ASXL1: variants seen among roughly 807,000 people sequenced by gnomAD.
The protein encoded by ASXL1 is polycomb group protein ASXL1.
In ASXL1, 65 loss-of-function variants were observed where a neutral mutation model predicts 89.1. The observed-to-expected ratio is 0.73, with a 90% CI of 0.60 to 0.90. The LOEUF (loss-of-function observed/expected upper bound fraction) is 0.90, where lower values mean the gene tolerates loss of function less well. ASXL1 is among the 40% of genes least tolerant of loss of function. The pLI, the probability that ASXL1 is intolerant of heterozygous loss-of-function variation, is 0.00. For synonymous variants in ASXL1, 739 were observed against 746.9 expected, an observed-to-expected ratio of 0.99 and a Z score of 0.17; for missense variants, 1,786 against 1,942.9, an observed-to-expected ratio of 0.92 and a Z score of 1.52.
At chr20:32,405,332 C>A (rs574877860) in intron 4 of ASXL1, among the ~76,000 whole-genome samples, 1 of 152,122 alleles carries the variant, frequency 6.6e-6, no homozygotes, top group Non-Finnish European at 1.5e-5. Flanking sequence ...CTTGCCTCAG[C>A]CTCCCAAAGT....
intron 4 of ASXL1, among the ~76,000 whole-genome samples, chr20:32,405,903 C>T (rs897330823): frequency 1.3e-5 from 2 of 151,858 alleles, no homozygotes; most frequent in African/African-American, 2.4e-5. Flanking sequence ...TCCTTTTTAC[C>T]CCCACCCCTT....
intron 4 of ASXL1, among the ~76,000 whole-genome samples, chr20:32,400,673 C>G (rs2048857426): frequency 6.6e-6 from 1 of 152,220 alleles, no homozygotes; most frequent in Non-Finnish European, 1.5e-5. Flanking sequence ...CCTCAGCCCT[C>G]TACTGTGTGG....
rs558805222 is a variant in ASXL1 at position 32,429,619 on chromosome 20, G to T, written c.565+188G>T. On this transcript the variant is annotated intron_variant, in intron 7 of 12. Transcript: ENST00000375687. The surrounding 1 kb of genome is among the most constrained non-coding windows in gnomAD (Gnocchi z 4.9). ...GGCTCTGCTGTGTGCCTTCCTCTTTGTCTCCCAGGGCAGTCGTGAGGATCC... is the reference window on the plus strand; with the variant it reads ...GGCTCTGCTGTGTGCCTTCCTCTTTTTCTCCCAGGGCAGTCGTGAGGATCC... 1.8e-5 allele frequency: 13 copies of T among 738,778 alleles called. No homozygotes were observed. The Admixed American group carries it at 2.4e-4, about 14-fold the overall frequency. 45.8% of individuals were successfully genotyped at this position (738,778 alleles called of 1,614,324 possible).
At position 32,369,001 on chromosome 20, in the gene ASXL1, T is replaced by G; in HGVS notation, c.144-14T>G. Reference sequence around the variant, plus strand: ...GATTGTATAACCCTCATCCATTCTTTTGTGGTTTTACAGTGGGACTTCCCC... The same window carrying G: ...GATTGTATAACCCTCATCCATTCTTGTGTGGTTTTACAGTGGGACTTCCCC... On this transcript the variant is annotated splice_polypyrimidine_tract_variant and intron_variant, in intron 3 of 12. Coordinates refer to ENST00000375687, the MANE Select transcript of ASXL1 (RefSeq NM_015338.6). The G allele has an allele frequency of 6.3e-7, 1 of 1,593,630 alleles. No homozygotes were observed. Among genetic ancestry groups the G allele is most frequent in the Non-Finnish European group, 8.6e-7 (1 of 1,161,332 alleles).
intron 4 of ASXL1, among the ~76,000 whole-genome samples, chr20:32,375,105 T>C (rs2048355133): frequency 6.6e-6 from 1 of 152,136 alleles, no homozygotes; most frequent in Admixed American, 6.5e-5. Context: ...CCTCCCAAAG[T>C]GCTGGGATTA....
In ASXL1 at chr20:32,377,125, A is replaced by AAT. The variant is rs1459730114; in HGVS notation, c.252+8006_252+8007dup. Among the ~76,000 whole-genome samples, 8 of 105,992 alleles carry AAT rather than the reference A, an allele frequency of 7.5e-5. No individual in the cohort carries two copies. The South Asian group carries it at 2.0e-3, about 27-fold the overall frequency. 69.5% of individuals were successfully genotyped at this position (105,992 alleles called of 152,430 possible). The stretch of plus-strand genomic sequence containing the variant: ...TATATAATATATTAATAGATATATT[A>AAT]ATATAATATATATTATATATTATAC... On this transcript the variant is annotated intron_variant, in intron 4 of 12. Transcript: ENST00000375687.
chr20:32,397,622 C>T (rs1043207788), intron 4 of ASXL1, among the ~76,000 whole-genome samples: 1 of 151,916 alleles, frequency 6.6e-6, no homozygotes, highest in Non-Finnish European at 1.5e-5. Context: ...CTGGTGAACT[C>T]CTGACCTCAA....
chr20:32,431,495 G>T lies in ASXL1; in HGVS notation c.882+11G>T. 5 of 1,614,022 alleles carry T rather than the reference G, an allele frequency of 3.1e-6. No homozygotes were observed. The highest frequency in any genetic ancestry group is 4.2e-6 in the Non-Finnish European group (5 of 1,180,002). ...GAAGTAGACAGACAGGTGCACATGG[G>T]CAGCCTCCCCTTTGCCTCTCTCTGG... is the stretch of plus-strand genomic sequence containing the variant. On this transcript the variant is annotated intron_variant, in intron 9 of 12. Transcript: ENST00000375687.
chr20:32,385,367 A>G (rs937116412), intron 4 of ASXL1, among the ~76,000 whole-genome samples: 1 of 152,204 alleles, frequency 6.6e-6, no homozygotes, highest in South Asian at 2.1e-4. Context: ...AAGCATGCTC[A>G]AGGATCTGGA....
intron 3 of ASXL1, 23 bp from the exon 4 acceptor site, chr20:32,368,992 T>C: frequency 6.3e-7 from 1 of 1,574,982 alleles, no homozygotes; most frequent in South Asian, 1.1e-5. Flanking sequence ...ATAACCCTCA[T>C]CCATTCTTTT....
At chr20:32,369,320 CT>C (rs1316773674) in intron 4 of ASXL1, among the ~76,000 whole-genome samples, 197 bp downstream of exon 4, 1 of 152,120 alleles carries the variant, frequency 6.6e-6, no homozygotes, top group Non-Finnish European at 1.5e-5. Context: ...GAGATCTCGG[CT>C]CACTGCAATC....
Position 32,434,584 on chromosome 20 carries a change from C to G in ASXL1, c.1872C>G (p.Val624=), listed in dbSNP as rs753771480. The G allele has an allele frequency of 6.2e-7, 1 of 1,613,202 alleles. No individual in the cohort carries two copies. Among genetic ancestry groups the G allele is most frequent in the South Asian group, 1.1e-5 (1 of 91,060 alleles). The change falls in exon 13 of 13, where the codon GTC becomes GTG. Residue 624 remains valine, a synonymous_variant. Coordinates refer to ENST00000375687, the MANE Select transcript of ASXL1 (RefSeq NM_015338.6). ...ACATTAAAGCCCGTGCTCTGCAGGT[C>G]CGAGGGGCGAGAGGTCACCACTGCC... ...LADIKARALQ[V]RGARGHHCHR...
At chr20:32,425,910 G>C (rs902716366) in intron 4 of ASXL1, among the ~76,000 whole-genome samples, 31 of 152,156 alleles carry the variant, frequency 2.0e-4, no homozygotes, top group African/African-American at 7.2e-4. Context: ...TCACCATGTT[G>C]ACCAGGCTTG....
chr20:32,416,097 A>G (rs1250195668), intron 4 of ASXL1, among the ~76,000 whole-genome samples: 2 of 152,170 alleles, frequency 1.3e-5, no homozygotes, highest in African/African-American at 4.8e-5. Context: ...TATAATAGTT[A>G]TATGTATTTT....
chr20:32,377,193 T>C (rs1362195785), intron 4 of ASXL1, among the ~76,000 whole-genome samples: 2 of 143,120 alleles, frequency 1.4e-5, no homozygotes, highest in Non-Finnish European at 3.0e-5. Context: ...TATAGATATA[T>C]CTATGTATAT....
At chr20:32,361,105 T>C (rs1003682201) in intron 1 of ASXL1, among the ~76,000 whole-genome samples, 1 of 151,966 alleles carries the variant, frequency 6.6e-6, no homozygotes, top group African/African-American at 2.4e-5. Flanking sequence ...TTGCGAGACT[T>C]TGGGAGTCTG....
chr20:32,421,502 G>A (rs1390545144), intron 4 of ASXL1, among the ~76,000 whole-genome samples: 2 of 151,606 alleles, frequency 1.3e-5, no homozygotes, highest in Admixed American at 6.6e-5. Flanking sequence ...CTTATGACTC[G>A]GCATTTCTAC....
At chr20:32,359,748 T>G in intron 1 of ASXL1, 1 of 718,106 alleles carries the variant, frequency 1.4e-6, no homozygotes, top group Non-Finnish European at 2.6e-6. Flanking sequence ...GTTCAACCGA[T>G]GGGGGTTGTG....
chr20:32,388,265 T>C (rs2048613931), intron 4 of ASXL1, among the ~76,000 whole-genome samples: 1 of 152,118 alleles, frequency 6.6e-6, no homozygotes, highest in South Asian at 2.1e-4. Context: ...ACCTCTGTCT[T>C]CCAGGCTTAA....
Sources: gnomAD v4.1 joint callset for allele counts (sites outside exome capture counted in the v4.1 genomes callset) on GRCh38, gnomAD v4.1.1 for gene constraint, Gnocchi (gnomAD v3.1) non-coding constraint, MANE v1.5 for transcripts, NCBI Gene and HGNC (gene_info 2026-07-23, HGNC 2026-07-21) for gene names.